Variants in PMFBP1 observed in about 807,000 individuals in gnomAD.
PMFBP1 encodes the protein polyamine-modulated factor 1-binding protein 1.
Under a neutral mutation model 137.8 loss-of-function variants are expected in PMFBP1, and 131 were observed. That is an observed-to-expected ratio of 0.95 (90% CI 0.82 to 1.10). The LOEUF is 1.10. Among genes scored for constraint, PMFBP1 ranks in the 50% least tolerant of loss-of-function variants. The pLI is 0.00. For missense variants in PMFBP1, 1,199 were observed against 1,175.4 expected (o/e 1.02, Z -0.29); for synonymous variants, 490 against 450.4 (o/e 1.09, Z -1.11).
At chr16:72,195,928 T>G in the PMFBP1 span, among the ~76,000 whole-genome samples, 1 of 152,090 alleles carries the variant, frequency 6.6e-6, no homozygotes, top group Non-Finnish European at 1.5e-5. Flanking sequence ...TTCTGGACTC[T>G]AGTAAAGACT....
intron 2 of PMFBP1, among the ~76,000 whole-genome samples, chr16:72,170,271 T>C (rs1248744790): frequency 1.3e-5 from 2 of 151,370 alleles, no homozygotes; most frequent in Non-Finnish European, 2.9e-5. Flanking sequence ...ATGGCTCCAG[T>C]AATGCAGCAG....
At chr16:72,151,192 T>C (rs142627483) in intron 4 of PMFBP1, among the ~76,000 whole-genome samples, 2 of 152,304 alleles carry the variant, frequency 1.3e-5, no homozygotes, top group East Asian at 1.9e-4. Context: ...TCCCAGGCAT[T>C]CTCTAGAGGT....
At chr16:72,246,708 T>A in the PMFBP1 span, among the ~76,000 whole-genome samples, 2 of 152,064 alleles carry the variant, frequency 1.3e-5, no homozygotes, top group South Asian at 4.2e-4. Context: ...GGATAATGAT[T>A]GACTGGTTAT....
chr16:72,206,026 A>G, the PMFBP1 span, among the ~76,000 whole-genome samples: 5 of 152,168 alleles, frequency 3.3e-5, no homozygotes, highest in Non-Finnish European at 5.9e-5. Flanking sequence ...CCCACTGAGA[A>G]TGAATGAATG....
rs1482424220 is a variant in PMFBP1, at chr16:72,150,716, C to T, written c.528G>A (p.Arg176=). The T allele has an allele frequency of 1.2e-6, 2 of 1,614,202 alleles. No individual in the cohort carries two copies. Among genetic ancestry groups the T allele is most frequent in the Non-Finnish European group, 1.7e-6 (2 of 1,180,032 alleles). ...ATTTATCCCTGTAGAGGTTTAAGCT[C>T]CTCTCTAGAGAGGCGATCTTGTCCC... is the stretch of plus-strand genomic sequence containing the variant. ...LAGDKIASLE[R]SLNLYRDKYQ... Residue 176 remains arginine (R), a synonymous_variant, in exon 5 of 21, where the codon AGG becomes AGA. Coordinates refer to ENST00000237353, the MANE Select transcript of PMFBP1 (RefSeq NM_031293.3).
chr16:72,176,462 G>C (rs2043259850), upstream of PMFBP1, among the ~76,000 whole-genome samples: 1 of 152,224 alleles, frequency 6.6e-6, no homozygotes, highest in East Asian at 1.9e-4. Flanking sequence ...CTCTCTTGCA[G>C]CTAGGTATGA....
chr16:72,128,322 A>T, intron 14 of PMFBP1: 1 of 1,217,160 alleles, frequency 8.2e-7, no homozygotes, highest in Non-Finnish European at 1.1e-6. Flanking sequence ...GTGCTTTGTG[A>T]CAAGTTTTGG....
chr16:72,133,928 C>T (rs1391035114), intron 9 of PMFBP1, among the ~76,000 whole-genome samples: 1 of 151,986 alleles, frequency 6.6e-6, no homozygotes, highest in African/African-American at 2.4e-5. Flanking sequence ...ACTAGCTTGG[C>T]CAACATGGTG....
At chr16:72,244,609 G>C in the PMFBP1 span, among the ~76,000 whole-genome samples, 1 of 152,030 alleles carries the variant, frequency 6.6e-6, no homozygotes, top group Non-Finnish European at 1.5e-5. Context: ...TAAGACAAAG[G>C]GCCACATCTA....
chr16:72,158,822 C>T (rs1467186933), intron 3 of PMFBP1, among the ~76,000 whole-genome samples: 1 of 151,924 alleles, frequency 6.6e-6, no homozygotes. Context: ...AGCGAGACCA[C>T]CATCTTTATA....
the PMFBP1 span, among the ~76,000 whole-genome samples, chr16:72,194,101 T>C: frequency 6.6e-6 from 1 of 152,126 alleles, no homozygotes; most frequent in Non-Finnish European, 1.5e-5. Flanking sequence ...ATTATCTAAT[T>C]CTCTTAAGGT....
intron 20 of PMFBP1, 32 bp downstream of exon 20, chr16:72,119,817 TCA>T (rs755278512): frequency 6.9e-5 from 111 of 1,602,650 alleles, no homozygotes; most frequent in Non-Finnish European, 8.9e-5. Flanking sequence ...AAGAAAAAAA[TCA>T]CACTTATTTT....
In PMFBP1 at chr16:72,143,064, G is replaced by A. The variant is rs138630998; in HGVS notation, c.637-2482C>T. Reference sequence around the variant, plus strand: ...TTGTTCTATATATGAAAATCTATTCGTGTAATCTGCTTCATTGATGGATAG... The same window carrying A: ...TTGTTCTATATATGAAAATCTATTCATGTAATCTGCTTCATTGATGGATAG... On this transcript the variant is annotated intron_variant, in intron 5 of 20. Transcript: ENST00000237353. Among the ~76,000 whole-genome samples, 44 of 152,132 alleles carry A rather than the reference G, an allele frequency of 2.9e-4. No individual in the cohort carries two copies. In the East Asian group the frequency reaches 6.4e-3, roughly 22 times the overall value.
Position 72,164,792 on chromosome 16 carries a change from C to A in PMFBP1, c.137G>T (p.Cys46Phe). ...GCTGCTGTTCATTGCCTCCTCCATG[C>A]AGAGCTGATTGTCCTGCAAGGTCTT... ...QRKTLQDNQL[C>F]MEEAMNSSHD... The change falls in exon 3 of 21, where the codon TGC (cysteine) becomes TTC (phenylalanine). Residue 46 changes from cysteine (C) to phenylalanine (F), a missense_variant. Coordinates refer to ENST00000237353, the MANE Select transcript of PMFBP1 (RefSeq NM_031293.3). 2 of 1,603,370 alleles carry A rather than the reference C, an allele frequency of 1.2e-6. No homozygotes were observed. The highest frequency in any genetic ancestry group is 1.7e-6 in the Non-Finnish European group (2 of 1,171,376).
chr16:72,219,413 A>T, the PMFBP1 span, among the ~76,000 whole-genome samples: 2 of 152,140 alleles, frequency 1.3e-5, no homozygotes, highest in African/African-American at 4.8e-5. Context: ...GATGGGAGGG[A>T]AGAGGCACCC....
intron 7 of PMFBP1, among the ~76,000 whole-genome samples, chr16:72,137,537 G>C (rs1597469106): frequency 1.3e-5 from 2 of 152,308 alleles, no homozygotes; most frequent in South Asian, 4.2e-4. Flanking sequence ...ACTTGCTGGA[G>C]GTGAGCTTTC....
intron 12 of PMFBP1, among the ~76,000 whole-genome samples, 166 bp downstream of exon 12, chr16:72,130,047 G>C (rs2042524319): frequency 6.6e-6 from 1 of 151,178 alleles, no homozygotes; most frequent in South Asian, 2.1e-4. Flanking sequence ...GTAAGGCAGG[G>C]TCTTGCTATG....
rs142080491 is a variant in PMFBP1 at position 72,171,139 on chromosome 16, A to G, written c.12+58T>C. The stretch of plus-strand genomic sequence containing the variant: ...GGAATTTTGAATCATAAAACATGAA[A>G]AAAGTCCCTTGTAATGAATATTCAA... On this transcript the variant is annotated intron_variant, in intron 2 of 20. Coordinates refer to ENST00000237353, the MANE Select transcript of PMFBP1 (RefSeq NM_031293.3). 2.0e-5 allele frequency: 32 copies of G among 1,576,468 alleles called. No individual in the cohort carries two copies. The African/African-American group carries it at 3.1e-4, about 15-fold the overall frequency.
At chr16:72,206,144 G>A in the PMFBP1 span, among the ~76,000 whole-genome samples, 1 of 152,166 alleles carries the variant, frequency 6.6e-6, no homozygotes, top group Non-Finnish European at 1.5e-5. Flanking sequence ...GCAGAGGCAT[G>A]AGTTAAAATG....
Sources: gnomAD v4.1 joint callset for allele counts (sites outside exome capture counted in the v4.1 genomes callset) on GRCh38, gnomAD v4.1.1 for gene constraint, MANE v1.5 for transcripts, NCBI Gene and HGNC (gene_info 2026-07-23, HGNC 2026-07-21) for gene names.